Variants in TEAD4 observed in about 807,000 individuals in gnomAD.
TEAD4 encodes the protein transcriptional enhancer factor TEF-3.
Under a neutral mutation model 52.4 loss-of-function variants are expected in TEAD4, and 36 were observed. That is an observed-to-expected ratio of 0.69 (90% confidence interval 0.53 to 0.91). The LOEUF (loss-of-function observed/expected upper bound fraction) is 0.91, where lower values mean the gene tolerates loss of function less well. Among genes scored for constraint, TEAD4 ranks in the 40% least tolerant of loss-of-function variants. The pLI is 0.00. For synonymous variants in TEAD4, 220 were observed against 231.0 expected (o/e 0.95, Z 0.43); for missense variants, 508 against 583.9 (o/e 0.87, Z 1.34).
intron 3 of TEAD4, among the ~76,000 whole-genome samples, chr12:3,006,515 G>A (rs1320776781): frequency 4.6e-5 from 7 of 150,898 alleles, no homozygotes; most frequent in Non-Finnish European, 1.0e-4. Context: ...CCAACATGGA[G>A]AAACCTTATC....
chr12:2,996,474 ATC>A (rs1290810360), intron 3 of TEAD4, among the ~76,000 whole-genome samples: 1 of 149,562 alleles, frequency 6.7e-6, no homozygotes, highest in Non-Finnish European at 1.5e-5. Context: ...AATGGGCGCA[ATC>A]TCAGCTCAAC....
At chr12:3,019,031 C>A in intron 7 of TEAD4, 84 bp from the exon 8 acceptor site, 1 of 1,536,432 alleles carries the variant, frequency 6.5e-7, no homozygotes, top group Non-Finnish European at 9.0e-7. Context: ...CCAGGACCTA[C>A]CACACAGACC....
chr12:3,040,499 G>C lies in TEAD4; in HGVS notation c.*21G>C, dbSNP rs201726125. On this transcript the variant is annotated 3_prime_UTR_variant, in exon 13 of 13. Transcript: ENST00000359864. Reference sequence around the variant, plus strand: ...AATGAGAGACTCGGGGAGCAGGGAGGGGGGAAGAGACGTGTGTGCAGGAAA... The same window carrying C: ...AATGAGAGACTCGGGGAGCAGGGAGCGGGGAAGAGACGTGTGTGCAGGAAA... The C allele has an allele frequency of 1.2e-4, 198 of 1,609,608 alleles. No individual in the cohort carries two copies. In the Middle Eastern group the frequency reaches 1.7e-3, roughly 14 times the overall value.
intron 2 of TEAD4, among the ~76,000 whole-genome samples, chr12:2,987,300 GTC>G: frequency 6.6e-6 from 1 of 152,228 alleles, no homozygotes; most frequent in East Asian, 1.9e-4. Flanking sequence ...TATAGAATGA[GTC>G]TGGTGAAATA....
At chr12:3,022,432 C>G (rs192041801) in intron 10 of TEAD4, among the ~76,000 whole-genome samples, 1 of 152,292 alleles carries the variant, frequency 6.6e-6, no homozygotes, top group Non-Finnish European at 1.5e-5. Context: ...TCCTTCGGTG[C>G]TCGCGTCCAA....
chr12:2,990,591 G>A (rs1239236801), intron 2 of TEAD4, among the ~76,000 whole-genome samples: 3 of 143,246 alleles, frequency 2.1e-5, no homozygotes, highest in South Asian at 2.3e-4. Flanking sequence ...TCAGCCTCCC[G>A]AGTGGCTGGG....
intron 10 of TEAD4, among the ~76,000 whole-genome samples, chr12:3,036,237 A>G (rs1477886617): frequency 6.6e-6 from 1 of 152,024 alleles, no homozygotes; most frequent in Non-Finnish European, 1.5e-5. Context: ...CATAAACGTA[A>G]TCCACCCTCA....
rs71057876 is a variant in TEAD4 at position 2,990,461 on chromosome 12, C to CTTTTTTTTTTTTTTTTTTTTTTT, written c.-29-4272_-29-4250dup. On this transcript the variant is annotated intron_variant, in intron 2 of 12. Coordinates refer to ENST00000359864, the MANE Select transcript of TEAD4 (RefSeq NM_003213.4). ...TAGAATTTAGGCTAAGACAGATAATCTTTTTTTTTTTTTTTTTTTTTTTTT... is the reference window on the plus strand; with the variant it reads ...TAGAATTTAGGCTAAGACAGATAATCTTTTTTTTTTTTTTTTTTTTTTTTTTTTTTTTTTTTTTTTTTTTTTTT... 7.5e-5 allele frequency among the ~76,000 whole-genome samples: 5 copies of CTTTTTTTTTTTTTTTTTTTTTTT among 67,038 alleles called. 2 individuals carry two copies. The highest frequency in any genetic ancestry group is 2.9e-4 in the African/African-American group (5 of 17,018). 44.0% of individuals were successfully genotyped at this position (67,038 alleles called of 152,430 possible).
At chr12:2,977,810 GCA>G (rs1418890809) in intron 2 of TEAD4, among the ~76,000 whole-genome samples, 32 of 152,312 alleles carry the variant, frequency 2.1e-4, no homozygotes, top group African/African-American at 7.7e-4. Context: ...CAAGAGGAAG[GCA>G]CTCCAGTGGT....
At chr12:2,962,285 T>TAAA (rs2098216068) in intron 2 of TEAD4, among the ~76,000 whole-genome samples, 1 of 137,024 alleles carries the variant, frequency 7.3e-6, no homozygotes, top group Non-Finnish European at 1.5e-5. Flanking sequence ...TTTATATATA[T>TAAA]TTATTTATAT....
intron 2 of TEAD4, among the ~76,000 whole-genome samples, chr12:2,993,818 G>C (rs955167940): frequency 2.0e-5 from 3 of 152,168 alleles, no homozygotes; most frequent in African/African-American, 7.2e-5. Context: ...GAATCATGCA[G>C]TGTTTGGGTT....
intron 11 of TEAD4, among the ~76,000 whole-genome samples, chr12:3,039,334 C>T (rs1234933124): frequency 6.6e-6 from 1 of 152,192 alleles, no homozygotes; most frequent in Non-Finnish European, 1.5e-5. Flanking sequence ...ATCCCATGTG[C>T]GCTTTACCCA....
intron 2 of TEAD4, among the ~76,000 whole-genome samples, chr12:2,980,504 G>A (rs759901558): frequency 2.0e-5 from 3 of 152,066 alleles, no homozygotes; most frequent in Admixed American, 6.6e-5. Flanking sequence ...AGGCCGAGAC[G>A]GGCGGATCAC....
chr12:3,017,111 A>G (rs973964760), intron 5 of TEAD4: 1 of 560,582 alleles, frequency 1.8e-6, no homozygotes. Context: ...CAAGGCATAG[A>G]AGGTGGCCCC....
intron 2 of TEAD4, among the ~76,000 whole-genome samples, chr12:2,967,985 G>A (rs898975034): frequency 5.9e-5 from 9 of 151,792 alleles, no homozygotes; most frequent in Non-Finnish European, 1.3e-4. Flanking sequence ...ATCTGGTTTT[G>A]GAAAGTTTAT....
chr12:3,017,521 T>C lies in TEAD4; in HGVS notation c.478T>C (p.Ser160Pro). 1 of 1,612,996 alleles carries C rather than the reference T, an allele frequency of 6.2e-7. No individual in the cohort carries two copies. ...CCGGGGCCCCGGCCGCCCAGCAGTC[T>C]CAGGGGTAAGTGGGCTGCCGAGAGC... is the stretch of plus-strand genomic sequence containing the variant. Residue 160 changes from serine (S) to proline (P), a missense_variant, in exon 6 of 13, where the codon TCA (serine) becomes CCA (proline). Ser to Pro is a moderately conservative substitution (Grantham distance 74). Coordinates refer to ENST00000359864, the MANE Select transcript of TEAD4 (RefSeq NM_003213.4).
At position 3,017,475 on chromosome 12, in the gene TEAD4, C is replaced by T; in HGVS notation, c.432C>T (p.Phe144=). Residue 144 remains phenylalanine, a synonymous_variant, in exon 6 of 13, where the codon TTC becomes TTT. Coordinates refer to ENST00000359864, the MANE Select transcript of TEAD4 (RefSeq NM_003213.4). ...CACAGATCATCTCCGCCACGGCCTT[C>T]CACAGTAGCATGGCCCTCGCCCGGG... 1 of 1,614,210 alleles carries T rather than the reference C, an allele frequency of 6.2e-7. No homozygotes were observed.
At chr12:3,023,624 TAAAA>T (rs768450059) in intron 10 of TEAD4, among the ~76,000 whole-genome samples, 6 of 132,106 alleles carry the variant, frequency 4.5e-5, no homozygotes, top group African/African-American at 1.7e-4. Context: ...TATCTCTACT[TAAAA>T]AAAAAAAAAA....
At chr12:2,963,892 G>A (rs958874109) in intron 2 of TEAD4, among the ~76,000 whole-genome samples, 3 of 152,162 alleles carry the variant, frequency 2.0e-5, no homozygotes, top group Admixed American at 6.5e-5. Context: ...GTGGGCAGGC[G>A]GGCCCCCATG....
Sources: allele counts gnomAD v4.1 joint callset (sites outside exome capture counted in the v4.1 genomes callset), GRCh38; gene constraint gnomAD v4.1.1; transcripts MANE v1.5; gene names NCBI Gene and HGNC (gene_info 2026-07-23, HGNC 2026-07-21).